The following TOLLIP variants were observed in gnomAD, a reference collection of about 807,000 sequenced individuals.
TOLLIP encodes toll interacting protein.
TOLLIP carries 16 observed loss-of-function variants against 33.5 expected under a neutral mutation model. The observed-to-expected ratio is 0.48, with a 90% confidence interval of 0.32 to 0.72. The LOEUF (loss-of-function observed/expected upper bound fraction) is 0.72, where lower values mean the gene tolerates loss of function less well. Ranked by LOEUF, TOLLIP falls within the 30% of genes least tolerant of loss-of-function variation. The pLI is 0.03. For synonymous variants in TOLLIP, 176 were observed against 163.7 expected (o/e 1.07, Z -0.57); for missense variants, 325 against 396.6 (o/e 0.82, Z 1.53).
At chr11:1,289,725 C>T (rs1165718816) in intron 3 of TOLLIP, among the ~76,000 whole-genome samples, 3 of 149,844 alleles carry the variant, frequency 2.0e-5, no homozygotes, top group Non-Finnish European at 3.0e-5. Context: ...TGCTGGTGTG[C>T]GGCAAGACCC....
intron 1 of TOLLIP, among the ~76,000 whole-genome samples, chr11:1,309,166 C>A (rs1306260009): frequency 6.6e-6 from 1 of 152,024 alleles, no homozygotes; most frequent in Admixed American, 6.5e-5. Flanking sequence ...GGGCACGGGG[C>A]CCGCCTCCAT....
chr11:1,288,507 C>A, intron 4 of TOLLIP, 117 bp downstream of exon 4: 2 of 1,281,040 alleles, frequency 1.6e-6, no homozygotes, highest in Non-Finnish European at 2.1e-6. Context: ...GTGAGCCCTG[C>A]TGTTTTATGG....
chr11:1,277,166 T>A lies in TOLLIP; in HGVS notation c.698A>T (p.Asp233Val), dbSNP rs772129338. 1.2e-6 allele frequency: 2 copies of A among 1,612,312 alleles called. No individual in the cohort carries two copies. The highest frequency in any genetic ancestry group is 3.3e-5 in the Admixed American group (2 of 59,990). Residue 233 changes from aspartate to valine, a missense_variant, in exon 6 of 6, where the codon GAC (aspartate) becomes GTC (valine). Transcript: ENST00000317204. This position sits in a 1 kb window ranked among gnomAD's most constrained non-coding sequence, Gnocchi z 4.2. ...GAACATGTCCTGGATGGCTTTCAGG[T>A]CCTCCTCGCTACAGCGGGGCTGGGC... ...VNAQPRCSEE[D>V]LKAIQDMFPN...
rs112901594 is a variant in TOLLIP at position 1,284,355 on chromosome 11, C to CT, written c.610+1646dup. Among the ~76,000 whole-genome samples, 139 of 146,882 alleles carry CT rather than the reference C, an allele frequency of 9.5e-4. 1 individual carries two copies. The highest frequency in any genetic ancestry group is 3.5e-3 in the Middle Eastern group (1 of 284). On this transcript the variant is annotated intron_variant, in intron 5 of 5. Coordinates refer to ENST00000317204, the MANE Select transcript of TOLLIP (RefSeq NM_019009.4). ...CTACCTCTGCTGGGCTGGTGGTTTT[C>CT]TTTTTTTTTTTGAGATGGAGTCTTG...
At position 1,277,246 on chromosome 11, in the gene TOLLIP, G is replaced by A. The variant is rs774743394; in HGVS notation, c.618C>T (p.Pro206=). The A allele has an allele frequency of 7.7e-6, 12 of 1,550,250 alleles. No homozygotes were observed. Among genetic ancestry groups the A allele is most frequent in the African/African-American group, 2.7e-5 (2 of 72,860 alleles). ...GVGYVPITGM[P]AVCSPGMVPV... The stretch of plus-strand genomic sequence containing the variant: ...GCACCATGCCGGGGCTACAGACAGC[G>A]GGCATCCCTGGAAGCAAAGATCAAG... Residue 206 remains proline (P), a synonymous_variant, in exon 6 of 6, where the codon CCC becomes CCT. Coordinates refer to ENST00000317204, the MANE Select transcript of TOLLIP (RefSeq NM_019009.4). The surrounding 1 kb of genome is among the most constrained non-coding windows in gnomAD (Gnocchi z 4.2).
intron 1 of TOLLIP, among the ~76,000 whole-genome samples, chr11:1,308,899 G>A (rs1438546656): frequency 5.3e-5 from 8 of 150,120 alleles, no homozygotes; most frequent in African/African-American, 2.0e-4. Flanking sequence ...CCATCAGGGT[G>A]CGGGGCCCGC....
At chr11:1,299,809 C>T (rs768075105) in intron 1 of TOLLIP, among the ~76,000 whole-genome samples, 4 of 152,250 alleles carry the variant, frequency 2.6e-5, no homozygotes, top group Non-Finnish European at 5.9e-5. Context: ...GGCTGCGTCA[C>T]CTGTGCCGTC....
rs141798689 is a variant in TOLLIP, at chr11:1,302,703, G to A, written c.33+6763C>T. On this transcript the variant is annotated intron_variant, in intron 1 of 5. Coordinates refer to ENST00000317204, the MANE Select transcript of TOLLIP (RefSeq NM_019009.4). ...GCCTCATGCTCCACGCCAGTCTCCT[G>A]GCACTGGCATGTTCAATAAACAACC... is the stretch of plus-strand genomic sequence containing the variant. 2,935 of 985,998 alleles carry A rather than the reference G, an allele frequency of 3.0e-3. 8 individuals are homozygous for A. Among genetic ancestry groups the A allele is most frequent in the Middle Eastern group, 0.011 (22 of 1,918 alleles). The allele number at this position is 985,998 out of a possible 1,614,324, so 61.1% of individuals were successfully genotyped here.
intron 3 of TOLLIP, among the ~76,000 whole-genome samples, chr11:1,289,082 C>T (rs1284483437): frequency 1.3e-5 from 2 of 152,236 alleles, no homozygotes; most frequent in African/African-American, 4.8e-5. Flanking sequence ...ACTTCAGGGA[C>T]ACTGGCTGCT....
chr11:1,308,351 T>C (rs866473924), intron 1 of TOLLIP, among the ~76,000 whole-genome samples: 3 of 152,268 alleles, frequency 2.0e-5, no homozygotes, highest in Non-Finnish European at 4.4e-5. Context: ...CCATGTGACG[T>C]GTAAGCTCCC....
Position 1,277,326 on chromosome 11 carries a change from A to G in TOLLIP, c.611-73T>C. ...GTGCCACACTAGCTCCTGCTGAAGG[A>G]AGAAAACAACGCATCCCACCGGCCT... On this transcript the variant is annotated intron_variant, in intron 5 of 5. Transcript: ENST00000317204. The surrounding 1 kb of genome is among the most constrained non-coding windows in gnomAD (Gnocchi z 4.2). The G allele has an allele frequency of 7.7e-7, 1 of 1,292,654 alleles. No homozygotes were observed. The highest frequency in any genetic ancestry group is 1.0e-6 in the Non-Finnish European group (1 of 955,448). 80.1% of individuals were successfully genotyped at this position (1,292,654 alleles called of 1,614,324 possible).
intron 5 of TOLLIP, among the ~76,000 whole-genome samples, chr11:1,280,646 G>A (rs1251023868): frequency 3.9e-5 from 6 of 152,092 alleles, no homozygotes; most frequent in South Asian, 2.1e-4. Context: ...CCCTGGTGCT[G>A]CCTATGCGGG....
chr11:1,281,365 T>C (rs1170242127), intron 5 of TOLLIP, among the ~76,000 whole-genome samples: 1 of 152,124 alleles, frequency 6.6e-6, no homozygotes, highest in Non-Finnish European at 1.5e-5. Flanking sequence ...TGTGGGGGAC[T>C]CTGGTTTTTC....
rs1864233494 is a variant in TOLLIP at position 1,300,360 on chromosome 11, T to A, written c.34-4566A>T. 2.0e-5 allele frequency among the ~76,000 whole-genome samples: 3 copies of A among 152,320 alleles called. No homozygotes were observed. The South Asian group carries it at 6.2e-4, about 32-fold the overall frequency. ...CACTGACGCCAGAGCTCTAAACCAC[T>A]GCAGCGTACCTTTCCACACGAAAGA... is the stretch of plus-strand genomic sequence containing the variant. On this transcript the variant is annotated intron_variant, in intron 1 of 5. Transcript: ENST00000317204.
intron 1 of TOLLIP, 99 bp from the exon 2 acceptor site, chr11:1,295,893 C>A: frequency 7.1e-7 from 1 of 1,413,608 alleles, no homozygotes; most frequent in East Asian, 2.5e-5. Context: ...CCGCCCCCAC[C>A]CATGTCCTTA....
intron 1 of TOLLIP, among the ~76,000 whole-genome samples, chr11:1,298,780 C>T (rs1416095346): frequency 1.3e-5 from 2 of 152,190 alleles, no homozygotes; most frequent in African/African-American, 2.4e-5. Flanking sequence ...GGGGCAGGTG[C>T]GCGTCCAGCT....
chr11:1,290,023 G>C lies in TOLLIP; in HGVS notation c.366+204C>G, dbSNP rs754283499. 9.2e-5 allele frequency: 54 copies of C among 585,328 alleles called. No homozygotes were observed. In the East Asian group the frequency reaches 1.5e-3, roughly 17 times the overall value. The allele number at this position is 585,328 out of a possible 1,614,324, so 36.3% of individuals were successfully genotyped here. A position where few individuals can be genotyped will look rare whatever the true frequency, so the allele number is the denominator to read the frequency against. ...CTTGTCACTGGGGATGTTTCCAAATGTAAGTATGTTCAAGGAGCTGGAAAC... is the reference window on the plus strand; with the variant it reads ...CTTGTCACTGGGGATGTTTCCAAATCTAAGTATGTTCAAGGAGCTGGAAAC... On this transcript the variant is annotated intron_variant, in intron 3 of 5. Transcript: ENST00000317204. This position sits in a 1 kb window ranked among gnomAD's most constrained non-coding sequence, Gnocchi z 4.9.
At chr11:1,284,247 G>A (rs529676526) in intron 5 of TOLLIP, among the ~76,000 whole-genome samples, 2 of 152,094 alleles carry the variant, frequency 1.3e-5, no homozygotes, top group African/African-American at 4.8e-5. Flanking sequence ...AACTCTGAAC[G>A]CCTCAAGGCT....
rs1564980551 is a variant in TOLLIP at position 1,303,452 on chromosome 11, C to A, written c.33+6014G>T. Among the ~76,000 whole-genome samples, 1 of 152,220 alleles carries A rather than the reference C, an allele frequency of 6.6e-6. No homozygotes were observed. The highest frequency in any genetic ancestry group is 6.5e-5 in the Admixed American group (1 of 15,290). On this transcript the variant is annotated intron_variant, in intron 1 of 5. Transcript: ENST00000317204. The surrounding 1 kb of genome is among the most constrained non-coding windows in gnomAD (Gnocchi z 4.2). ...GCTTCCATGGTGAGGTGCTGGGGCA[C>A]CCCTGCTCCTGGGATGCTTACACGT...
Sources: allele counts gnomAD v4.1 joint callset (sites outside exome capture counted in the v4.1 genomes callset), GRCh38; gene constraint gnomAD v4.1.1; non-coding constraint Gnocchi (gnomAD v3.1); transcripts MANE v1.5; gene names NCBI Gene and HGNC (gene_info 2026-07-23, HGNC 2026-07-21).